The following VPS13B variants were observed in gnomAD, a reference collection of about 807,000 sequenced individuals.
VPS13B encodes vacuolar protein sorting 13 homolog B.
In VPS13B, 285 loss-of-function variants were observed where a neutral mutation model predicts 426.4. The observed-to-expected ratio is 0.67, with a 90% confidence interval of 0.61 to 0.74. The LOEUF is 0.74. Ranked by LOEUF, VPS13B falls within the 30% of genes least tolerant of loss-of-function variation. VPS13B has a pLI of 0.00. For missense variants in VPS13B, 4,537 were observed against 4,782.6 expected (o/e 0.95, Z 1.51); for synonymous variants, 1,676 against 1,676.4 (o/e 1.00, Z 0.01).
At chr8:99,400,965 C>A (rs1042163545) in intron 21 of VPS13B, among the ~76,000 whole-genome samples, 1 of 152,212 alleles carries the variant, frequency 6.6e-6, no homozygotes, top group African/African-American at 2.4e-5. Context: ...AGCCATTGTA[C>A]CCAGCCTGTA....
At chr8:99,706,415 C>T (rs1832500518) in intron 36 of VPS13B, among the ~76,000 whole-genome samples, 1 of 152,084 alleles carries the variant, frequency 6.6e-6, no homozygotes, top group Non-Finnish European at 1.5e-5. Context: ...TGTCCACATG[C>T]AATAATGAGA....
rs186172377 is a variant in VPS13B at position 99,743,146 on chromosome 8, C to G, written c.7050+22099C>G. On this transcript the variant is annotated intron_variant, in intron 39 of 61. Coordinates refer to ENST00000357162, the MANE Select transcript of VPS13B (RefSeq NM_152564.5). ...AGCAAAGTCTCACGATACAAAATCA[C>G]TGTGCAAAAATCACAAGCATTCTTA... is the stretch of plus-strand genomic sequence containing the variant. 2.0e-5 allele frequency among the ~76,000 whole-genome samples: 3 copies of G among 152,256 alleles called. No individual in the cohort carries two copies. The South Asian group carries it at 6.2e-4, about 32-fold the overall frequency.
chr8:99,512,029 A>G (rs1460011910), intron 29 of VPS13B, among the ~76,000 whole-genome samples: 1 of 152,212 alleles, frequency 6.6e-6, no homozygotes, highest in Non-Finnish European at 1.5e-5. Flanking sequence ...CCAGCTTCTT[A>G]GCATATCATT....
intron 30 of VPS13B, among the ~76,000 whole-genome samples, chr8:99,521,686 G>T (rs1038005958): frequency 6.6e-6 from 1 of 152,190 alleles, no homozygotes; most frequent in Admixed American, 6.5e-5. Flanking sequence ...CAGAAATACA[G>T]ATGAACAAGT....
At chr8:99,422,271 G>C (rs567237072) in intron 21 of VPS13B, among the ~76,000 whole-genome samples, 18 of 152,194 alleles carry the variant, frequency 1.2e-4, no homozygotes, top group African/African-American at 3.9e-4. Flanking sequence ...GCCACATGTA[G>C]ATTTCAAAGT....
intron 23 of VPS13B, among the ~76,000 whole-genome samples, chr8:99,444,144 G>A (rs1052730250): frequency 3.3e-5 from 5 of 151,570 alleles, no homozygotes; most frequent in African/African-American, 1.2e-4. Flanking sequence ...TGTCGCCTGG[G>A]CTGGAGTACA....
chr8:99,204,663 GAA>G (rs912790834), intron 17 of VPS13B, among the ~76,000 whole-genome samples: 2 of 149,272 alleles, frequency 1.3e-5, no homozygotes, highest in Non-Finnish European at 3.0e-5. Context: ...ACATTTACAA[GAA>G]AAAAAAACCC....
intron 24 of VPS13B, among the ~76,000 whole-genome samples, chr8:99,477,338 A>C (rs887282920): frequency 6.6e-6 from 1 of 151,962 alleles, no homozygotes; most frequent in Non-Finnish European, 1.5e-5. Context: ...TCATTTATCC[A>C]TCTGTTTTTG....
intron 39 of VPS13B, among the ~76,000 whole-genome samples, chr8:99,729,161 T>C (rs1803152822): frequency 6.6e-6 from 1 of 152,152 alleles, no homozygotes; most frequent in Admixed American, 6.5e-5. Context: ...CGGCTGAATT[T>C]GGGGTCATTG....
rs895451883 is a variant in VPS13B at position 99,767,310 on chromosome 8, A to G, written c.7247+340A>G. Among the ~76,000 whole-genome samples the G allele has an allele frequency of 4.3e-4, 65 of 152,232 alleles. 1 individual carries two copies. Among genetic ancestry groups the G allele is most frequent in the African/African-American group, 1.5e-3 (64 of 41,530 alleles). On this transcript the variant is annotated intron_variant, in intron 40 of 61. Coordinates refer to ENST00000357162, the MANE Select transcript of VPS13B (RefSeq NM_152564.5). Reference sequence around the variant, plus strand: ...GGCATACAGTCATACACACACCTCAATAGAAGCTTAATGACATCATAATCA... The same window carrying G: ...GGCATACAGTCATACACACACCTCAGTAGAAGCTTAATGACATCATAATCA...
rs765352584 is a variant in VPS13B, at chr8:99,819,499, A to G, written c.8709A>G (p.Thr2903=). The change falls in exon 48 of 62, where the codon ACA becomes ACG. Residue 2903 remains threonine (T), a synonymous_variant. Coordinates refer to ENST00000357162, the MANE Select transcript of VPS13B (RefSeq NM_152564.5). The stretch of plus-strand genomic sequence containing the variant: ...CCACTAAGGTACACCCTGGAGGCAC[A>G]GTTAATCAGATCCTTGACGAATTCT... ...QIATKVHPGG[T]VNQILDEFYG... is the part of the protein sequence containing the mutation. 2.5e-6 allele frequency: 4 copies of G among 1,613,954 alleles called. No homozygotes were observed. Among genetic ancestry groups the G allele is most frequent in the Non-Finnish European group, 2.5e-6 (3 of 1,179,892 alleles).
rs201570928 is a variant in VPS13B at position 99,513,015 on chromosome 8, G to GA, written c.4633+1519dup. On this transcript the variant is annotated intron_variant, in intron 29 of 61. Coordinates refer to ENST00000357162, the MANE Select transcript of VPS13B (RefSeq NM_152564.5). ...CAGAGCAAGACGCCATCTCAAGTGGGAAAAAAAAAAAAAAAACCATAATGT... is the reference window on the plus strand; with the variant it reads ...CAGAGCAAGACGCCATCTCAAGTGGGAAAAAAAAAAAAAAAAACCATAATGT... 7.9e-3 allele frequency among the ~76,000 whole-genome samples: 818 copies of GA among 103,264 alleles called. 1 individual carries two copies. The highest frequency in any genetic ancestry group is 0.018 in the South Asian group (60 of 3,320). 67.7% of individuals were successfully genotyped at this position (103,264 alleles called of 152,430 possible).
chr8:99,859,969 C>G (rs1471582712), intron 57 of VPS13B, among the ~76,000 whole-genome samples: 1 of 152,166 alleles, frequency 6.6e-6, no homozygotes, highest in Non-Finnish European at 1.5e-5. Context: ...TCTTGTGGCC[C>G]AGACAGGTCA....
Position 99,577,526 on chromosome 8 carries a change from A to C in VPS13B, c.5113A>C (p.Ile1705Leu). Residue 1705 changes from isoleucine to leucine, a missense_variant, in exon 33 of 62, where the codon ATA becomes CTA. Physicochemically the swap from Ile to Leu is conservative, Grantham distance 5 (BLOSUM62 2). This residue lies in a region of VPS13B where 4,311 missense variants were observed against 4,474.3 expected (regional missense o/e 0.96). Transcript: ENST00000357162. ...GTGTGGCCATTCCTTAGAAGTGAATATAACCACAAACCTGGACTTCTTCCT... is the reference window on the plus strand; with the variant it reads ...GTGTGGCCATTCCTTAGAAGTGAATCTAACCACAAACCTGGACTTCTTCCT... Reference protein sequence around the residue: ...LVCGHSLEVNITTNLDFFLSV... With the variant: ...LVCGHSLEVNLTTNLDFFLSV... The C allele has an allele frequency of 6.2e-7, 1 of 1,613,896 alleles. No homozygotes were observed. The highest frequency in any genetic ancestry group is 1.1e-5 in the South Asian group (1 of 91,076).
intron 44 of VPS13B, among the ~76,000 whole-genome samples, chr8:99,813,218 T>C (rs1256780599): frequency 6.6e-6 from 1 of 152,198 alleles, no homozygotes; most frequent in Non-Finnish European, 1.5e-5. Context: ...AAGAATTTTC[T>C]TTTATCAAAT....
At chr8:99,792,193 G>A (rs1812572122) in intron 43 of VPS13B, among the ~76,000 whole-genome samples, 1 of 152,074 alleles carries the variant, frequency 6.6e-6, no homozygotes. Flanking sequence ...CTTTGGAGCA[G>A]TCATAAGAGA....
At chr8:99,280,191 G>GT (rs929799075) in intron 19 of VPS13B, among the ~76,000 whole-genome samples, 10 of 152,058 alleles carry the variant, frequency 6.6e-5, no homozygotes, top group South Asian at 2.1e-4. Context: ...TACATATACT[G>GT]TTTTTTTCTG....
chr8:99,869,038 C>T (rs567493185), intron 59 of VPS13B, among the ~76,000 whole-genome samples: 32 of 152,344 alleles, frequency 2.1e-4, no homozygotes, highest in African/African-American at 7.2e-4. Context: ...GTGCCGGGGC[C>T]TCTCCCCGTG....
At chr8:99,808,258 C>T (rs528096403) in intron 43 of VPS13B, among the ~76,000 whole-genome samples, 17 of 152,098 alleles carry the variant, frequency 1.1e-4, no homozygotes, top group Non-Finnish European at 2.1e-4. Flanking sequence ...CAGTGGCTCA[C>T]GCCTGTAATC....
Sources: gnomAD v4.1 joint callset for allele counts (sites outside exome capture counted in the v4.1 genomes callset) on GRCh38, gnomAD v4.1.1 for gene constraint, gnomAD v4.1.1 regional missense constraint, MANE v1.5 for transcripts, NCBI Gene and HGNC (gene_info 2026-07-23, HGNC 2026-07-21) for gene names.